Variants in MPHOSPH9 observed in about 807,000 individuals in gnomAD.
MPHOSPH9 encodes M-phase phosphoprotein 9.
A neutral mutation model predicts 145.5 loss-of-function variants in MPHOSPH9; 88 were observed. The ratio of observed to expected loss-of-function variants is 0.60; its 90% confidence interval spans 0.51 to 0.72. MPHOSPH9 has a LOEUF of 0.72. Ranked by LOEUF, MPHOSPH9 falls within the 30% of genes least tolerant of loss-of-function variation. The pLI is 0.00. For missense variants in MPHOSPH9, 1,238 were observed against 1,386.6 expected, an observed-to-expected ratio of 0.89 and a Z score of 1.70; for synonymous variants, 435 against 486.2, an observed-to-expected ratio of 0.89 and a Z score of 1.39.
intron 16 of MPHOSPH9, among the ~76,000 whole-genome samples, chr12:123,174,535 G>A (rs2044741871): frequency 6.6e-6 from 1 of 151,970 alleles, no homozygotes; most frequent in African/African-American, 2.4e-5. Flanking sequence ...ACCACACCCG[G>A]CTAATTTTTT....
rs2043878605 is a variant in MPHOSPH9, at chr12:123,156,713, G to A, written c.*94C>T. On this transcript the variant is annotated 3_prime_UTR_variant, in exon 24 of 24. Coordinates refer to ENST00000606320, the MANE Select transcript of MPHOSPH9 (RefSeq NM_022782.4). ...ATGATTGTAAAACTACTGTTTGAAGGCTTATAAACAGTACAAAATAGTTTG... is the reference window on the plus strand; with the variant it reads ...ATGATTGTAAAACTACTGTTTGAAGACTTATAAACAGTACAAAATAGTTTG... 4.8e-6 allele frequency: 4 copies of A among 826,854 alleles called. No homozygotes were observed. The South Asian group carries it at 6.1e-5, about 13-fold the overall frequency. 51.2% of individuals were successfully genotyped at this position (826,854 alleles called of 1,614,324 possible). A position where few individuals can be genotyped will look rare whatever the true frequency, so the allele number is the denominator to read the frequency against.
intron 4 of MPHOSPH9, among the ~76,000 whole-genome samples, chr12:123,222,230 CAGG>C (rs1449312110): frequency 6.6e-6 from 1 of 150,814 alleles, no homozygotes; most frequent in African/African-American, 2.4e-5. Flanking sequence ...GAGTCTGAGG[CAGG>C]AGAATTTCTT....
At chr12:123,233,286 A>AG (rs779636760), upstream of MPHOSPH9, 267 of 152,344 alleles carry the variant, frequency 1.8e-3, no homozygotes, top group Non-Finnish European at 3.3e-3. Context: ...GGGAGTGACA[A>AG]GGGGGCGGGA....
intron 6 of MPHOSPH9, among the ~76,000 whole-genome samples, chr12:123,216,495 T>A (rs750162231): frequency 1.2e-4 from 18 of 152,140 alleles, no homozygotes; most frequent in Admixed American, 1.3e-4. Context: ...CATTTCAATG[T>A]GTTATACTAA....
intron 1 of MPHOSPH9, among the ~76,000 whole-genome samples, chr12:123,238,525 C>G (rs1025487342): frequency 6.6e-6 from 1 of 152,078 alleles, no homozygotes; most frequent in African/African-American, 2.4e-5. Flanking sequence ...AATCCCAGCA[C>G]TTTTTGAGAC....
rs765450551 is a variant in MPHOSPH9 at position 123,163,149 on chromosome 12, GA to G, written c.2909-16del. ...CTCTCTTTTTGCTATAGAAGAAAAT[GA>G]AGAGGAAATATTCTTTTCCTTCTAT... On this transcript the variant is annotated splice_polypyrimidine_tract_variant and intron_variant, in intron 19 of 23. Coordinates refer to ENST00000606320, the MANE Select transcript of MPHOSPH9 (RefSeq NM_022782.4). The G allele has an allele frequency of 6.4e-7, 1 of 1,568,054 alleles. No homozygotes were observed. The highest frequency in any genetic ancestry group is 2.4e-5 in the East Asian group (1 of 42,346).
intron 13 of MPHOSPH9, among the ~76,000 whole-genome samples, chr12:123,191,857 CT>C (rs1217541493): frequency 6.6e-6 from 1 of 152,154 alleles, no homozygotes; most frequent in Non-Finnish European, 1.5e-5. Flanking sequence ...CCGCAATCCA[CT>C]GAGTAAAATA....
rs1555231852 is a variant in MPHOSPH9 at position 123,224,110 on chromosome 12, T to TTTTATATATATATATATATATATA, written c.259-984_259-983insTATATATATATATATATATATAAA. On this transcript the variant is annotated intron_variant, in intron 3 of 23. Coordinates refer to ENST00000606320, the MANE Select transcript of MPHOSPH9 (RefSeq NM_022782.4). ...TCACCATGTTCGGCTAATTGCTAAT[T>TTTTATATATATATATATATATATA]TATATATATATATATACACATTTTT... Among the ~76,000 whole-genome samples, 190 of 120,384 alleles carry TTTTATATATATATATATATATATA rather than the reference T, an allele frequency of 1.6e-3. 9 individuals carry two copies. The East Asian group carries it at 0.028, about 18-fold the overall frequency. The allele number at this position is 120,384 out of a possible 152,430, so 79.0% of individuals were successfully genotyped here.
chr12:123,167,056 C>G (rs1469587272), intron 16 of MPHOSPH9, among the ~76,000 whole-genome samples: 1 of 152,184 alleles, frequency 6.6e-6, no homozygotes, highest in Admixed American at 6.5e-5. Flanking sequence ...GTCTCTCAGG[C>G]ATTTCACACC....
At chr12:123,203,148 G>T (rs1483419625) in intron 9 of MPHOSPH9, 64 bp from the exon 10 acceptor site, 1 of 1,585,210 alleles carries the variant, frequency 6.3e-7, no homozygotes, top group African/African-American at 1.4e-5. Flanking sequence ...TTGTTTTGAA[G>T]TGAGTAGGCT....
intron 13 of MPHOSPH9, among the ~76,000 whole-genome samples, chr12:123,184,366 T>C (rs1885441814): frequency 6.6e-6 from 1 of 152,078 alleles, no homozygotes; most frequent in African/African-American, 2.4e-5. Context: ...CATTCACATC[T>C]GGAGGTCCCC....
intron 17 of MPHOSPH9, chr12:123,166,447 C>A (rs1014876511): frequency 1.6e-6 from 1 of 617,126 alleles, no homozygotes; most frequent in African/African-American, 1.8e-5. Context: ...CCATACTGTG[C>A]CACTGAGCAC....
chr12:123,194,953 C>A (rs1046891203), intron 12 of MPHOSPH9, among the ~76,000 whole-genome samples: 3 of 151,866 alleles, frequency 2.0e-5, no homozygotes, highest in Non-Finnish European at 4.4e-5. Flanking sequence ...AAAAAAGATG[C>A]CTTAATAATA....
At position 123,190,977 on chromosome 12, in the gene MPHOSPH9, C is replaced by T. The variant is rs1294073126; in HGVS notation, c.2241+3409G>A. On this transcript the variant is annotated intron_variant, in intron 13 of 23. Coordinates refer to ENST00000606320, the MANE Select transcript of MPHOSPH9 (RefSeq NM_022782.4). ...AACACATTCTAGCTATCCTTTGCTGCTTGATTGCTGCTCAAACATAACTGT... is the reference window on the plus strand; with the variant it reads ...AACACATTCTAGCTATCCTTTGCTGTTTGATTGCTGCTCAAACATAACTGT... Among the ~76,000 whole-genome samples the T allele has an allele frequency of 2.6e-5, 4 of 152,154 alleles. 1 individual carries two copies. The South Asian group carries it at 8.3e-4, about 31-fold the overall frequency.
chr12:123,191,744 A>G (rs2045684755), intron 13 of MPHOSPH9, among the ~76,000 whole-genome samples: 1 of 152,252 alleles, frequency 6.6e-6, no homozygotes, highest in East Asian at 1.9e-4. Flanking sequence ...GACATGCTCA[A>G]AGAATGACAA....
At chr12:123,197,646 G>A (rs2046022714) in intron 12 of MPHOSPH9, among the ~76,000 whole-genome samples, 1 of 152,006 alleles carries the variant, frequency 6.6e-6, no homozygotes, top group Non-Finnish European at 1.5e-5. Context: ...GCTGGGCACG[G>A]TGGCATGCAC....
intron 6 of MPHOSPH9, 112 bp downstream of exon 6, chr12:123,218,264 G>T: frequency 1.4e-6 from 2 of 1,434,766 alleles, no homozygotes; most frequent in Non-Finnish European, 9.4e-7. Flanking sequence ...ATGTATAAAT[G>T]AACAAATTAA....
chr12:123,171,866 TTTAAA>T (rs1465331404), intron 16 of MPHOSPH9, among the ~76,000 whole-genome samples: 2 of 152,200 alleles, frequency 1.3e-5, no homozygotes, highest in Non-Finnish European at 2.9e-5. Context: ...TTATATATTC[TTTAAA>T]TTAAGAGTAG....
At chr12:123,186,140 T>C (rs142914534) in intron 13 of MPHOSPH9, among the ~76,000 whole-genome samples, 56 of 149,868 alleles carry the variant, frequency 3.7e-4, no homozygotes, top group African/African-American at 1.3e-3. Context: ...GGCGGGAGCA[T>C]TGCTTGAACC....
Sources: allele counts gnomAD v4.1 joint callset (sites outside exome capture counted in the v4.1 genomes callset), GRCh38; gene constraint gnomAD v4.1.1; transcripts MANE v1.5; gene names NCBI Gene and HGNC (gene_info 2026-07-23, HGNC 2026-07-21).